CAMK2A: variants seen among roughly 807,000 people sequenced by gnomAD.
CAMK2A encodes the protein calcium/calmodulin-dependent protein kinase type II subunit alpha.
In CAMK2A, 7 loss-of-function variants were observed where a neutral mutation model predicts 79.2. The ratio of observed to expected loss-of-function variants is 0.09; its 90% CI spans 0.05 to 0.17. The LOEUF (loss-of-function observed/expected upper bound fraction) is 0.17. Among genes scored for constraint, CAMK2A ranks in the 10% least tolerant of loss-of-function variants. The probability of loss-of-function intolerance (pLI) is 1.00; values close to 1 mark genes in which losing one functional copy is unlikely to be tolerated. For missense variants in CAMK2A, 214 were observed against 646.4 expected, an observed-to-expected ratio of 0.33 and a Z score of 7.25; for synonymous variants, 242 against 251.7, an observed-to-expected ratio of 0.96 and a Z score of 0.36.
intron 2 of CAMK2A, among the ~76,000 whole-genome samples, chr5:150,269,634 G>A (rs1367686365): frequency 5.3e-5 from 8 of 151,800 alleles, no homozygotes; most frequent in East Asian, 1.9e-4. Context: ...GATTAAAGAC[G>A]TGAGCCACCA....
rs573080961 is a variant in CAMK2A at position 150,223,895 on chromosome 5, C to T, written c.1238-678G>A. Among the ~76,000 whole-genome samples, 8 of 152,356 alleles carry T rather than the reference C, an allele frequency of 5.3e-5. No homozygotes were observed. The East Asian group carries it at 1.2e-3, about 22-fold the overall frequency. On this transcript the variant is annotated intron_variant, in intron 17 of 18. Coordinates refer to ENST00000671881, the MANE Select transcript of CAMK2A (RefSeq NM_015981.4). This position sits in a 1 kb window ranked among gnomAD's most constrained non-coding sequence, Gnocchi z 4.1. ...GTGAAACATATCTACAGTTCAGACA[C>T]GGCCCGTGGGCCTGTCTGAAGTATA...
rs1240929792 is a variant in CAMK2A, at chr5:150,263,877, C to T, written c.217+1079G>A. ...CAAACAGGGCTGCTCCCTGCCAACC[C>T]AGGGATGTCTCTCTGATGCTGGTCC... is the stretch of plus-strand genomic sequence containing the variant. On this transcript the variant is annotated intron_variant, in intron 3 of 18. Transcript: ENST00000671881. Among the ~76,000 whole-genome samples, 3 of 152,242 alleles carry T rather than the reference C, an allele frequency of 2.0e-5. No individual in the cohort carries two copies. In the South Asian group the frequency reaches 6.2e-4, roughly 32 times the overall value.
chr5:150,288,387 C>A (rs1757520359), intron 1 of CAMK2A, among the ~76,000 whole-genome samples: 1 of 152,208 alleles, frequency 6.6e-6, no homozygotes, highest in African/African-American at 2.4e-5. Flanking sequence ...CCTTGCAAGG[C>A]ACACTTGCAT....
chr5:150,229,189 C>A (rs965220379), intron 16 of CAMK2A, among the ~76,000 whole-genome samples: 2 of 152,238 alleles, frequency 1.3e-5, no homozygotes, highest in Admixed American at 1.3e-4. Flanking sequence ...AAAGCATTCA[C>A]AGGGTGCACT....
intron 10 of CAMK2A, 85 bp from the exon 11 acceptor site, chr5:150,250,394 T>C: frequency 8.9e-7 from 1 of 1,120,144 alleles, no homozygotes. Context: ...CAGGGCATCT[T>C]AATGGAGGTG....
intron 12 of CAMK2A, among the ~76,000 whole-genome samples, chr5:150,247,189 A>G (rs4958454): frequency 0.55 from 84,347 of 152,206 alleles, 25,490 homozygotes; most frequent in African/African-American, 0.82. Context: ...TGGTGACCCA[A>G]TCCAGTTAAA....
At chr5:150,265,603 C>CCT (rs1318258852) in intron 2 of CAMK2A, among the ~76,000 whole-genome samples, 1 of 152,024 alleles carries the variant, frequency 6.6e-6, no homozygotes, top group Non-Finnish European at 1.5e-5. Context: ...CTGTTGTACC[C>CCT]CTGACATCTA....
intron 16 of CAMK2A, among the ~76,000 whole-genome samples, chr5:150,231,045 G>A (rs1754816434): frequency 1.3e-5 from 2 of 152,194 alleles, no homozygotes; most frequent in South Asian, 2.1e-4. Context: ...TTTTGTTGGA[G>A]TTCCTCCCAG....
chr5:150,228,374 C>T, intron 16 of CAMK2A, 88 bp from the exon 17 acceptor site: 1 of 846,832 alleles, frequency 1.2e-6, no homozygotes, highest in South Asian at 1.6e-5. Context: ...GGAATGATTG[C>T]ACCTACCTCA....
intron 1 of CAMK2A, among the ~76,000 whole-genome samples, chr5:150,285,580 C>T (rs1262149020): frequency 1.3e-5 from 2 of 152,196 alleles, no homozygotes; most frequent in African/African-American, 4.8e-5. Flanking sequence ...CACACTGCCA[C>T]CTGTGGATCA....
chr5:150,233,516 C>A (rs1003737544), intron 15 of CAMK2A, among the ~76,000 whole-genome samples: 2 of 152,194 alleles, frequency 1.3e-5, no homozygotes, highest in Non-Finnish European at 2.9e-5. Context: ...ACAGGTGTTG[C>A]TGCACCTCTC....
chr5:150,275,838 TC>T (rs1756923878), intron 1 of CAMK2A, among the ~76,000 whole-genome samples: 1 of 152,050 alleles, frequency 6.6e-6, no homozygotes, highest in African/African-American at 2.4e-5. Context: ...CCAGAAGGTC[TC>T]CCAGCTCCGT....
At chr5:150,278,394 A>G (rs1562200371) in intron 1 of CAMK2A, among the ~76,000 whole-genome samples, 1 of 150,718 alleles carries the variant, frequency 6.6e-6, no homozygotes, top group Non-Finnish European at 1.5e-5. Context: ...AAAAAAAAAA[A>G]GCATGTTTCT....
In CAMK2A at chr5:150,256,718, G is replaced by A; in HGVS notation, c.338+48C>T. 1 of 1,608,188 alleles carries A rather than the reference G, an allele frequency of 6.2e-7. No individual in the cohort carries two copies. Among genetic ancestry groups the A allele is most frequent in the Non-Finnish European group, 8.5e-7 (1 of 1,174,730 alleles). On this transcript the variant is annotated intron_variant, in intron 5 of 18. Transcript: ENST00000671881. This position sits in a 1 kb window ranked among gnomAD's most constrained non-coding sequence, Gnocchi z 4.6. ...CCCCTGGGAAGCTGACAGCAGGCAA[G>A]AGTGCCCTGTCCCCGGGTGCCATTG...
At chr5:150,248,390 G>C (rs4958269) in intron 11 of CAMK2A, among the ~76,000 whole-genome samples, 78,934 of 149,118 alleles carry the variant, frequency 0.53, 21,713 homozygotes, top group African/African-American at 0.69. Flanking sequence ...CAACGTGCAG[G>C]TTTGTTACAT....
At chr5:150,287,457 C>T (rs1299197680) in intron 1 of CAMK2A, among the ~76,000 whole-genome samples, 1 of 152,184 alleles carries the variant, frequency 6.6e-6, no homozygotes, top group Non-Finnish European at 1.5e-5. Context: ...CTCGGTTTTC[C>T]TGCCATGGCC....
At chr5:150,259,667 A>AT (rs1344458624) in intron 3 of CAMK2A, among the ~76,000 whole-genome samples, 2 of 152,158 alleles carry the variant, frequency 1.3e-5, no homozygotes, top group African/African-American at 4.8e-5. Context: ...TCCTTTCAAC[A>AT]TTTTTTTATA....
intron 15 of CAMK2A, among the ~76,000 whole-genome samples, chr5:150,236,131 C>T (rs1450843614): frequency 6.6e-6 from 1 of 152,240 alleles, no homozygotes; most frequent in East Asian, 1.9e-4. Flanking sequence ...CCATCCTGAT[C>T]GCTCTAAAGC....
intron 1 of CAMK2A, among the ~76,000 whole-genome samples, chr5:150,278,596 G>A (rs989147144): frequency 6.6e-6 from 1 of 152,158 alleles, no homozygotes; most frequent in African/African-American, 2.4e-5. Flanking sequence ...GGGAAGCGAT[G>A]GCCAAGAGTC....
Sources: gnomAD v4.1 joint callset for allele counts (sites outside exome capture counted in the v4.1 genomes callset) on GRCh38, gnomAD v4.1.1 for gene constraint, Gnocchi (gnomAD v3.1) non-coding constraint, MANE v1.5 for transcripts, NCBI Gene and HGNC (gene_info 2026-07-23, HGNC 2026-07-21) for gene names.